Variants in GPR137 observed in about 807,000 individuals in gnomAD.
GPR137 encodes the protein integral membrane protein GPR137.
In GPR137, 20 loss-of-function variants were observed where a neutral mutation model predicts 38.9. That is an observed-to-expected ratio of 0.51 (90% CI 0.36 to 0.75). GPR137 has a LOEUF of 0.75. GPR137 is among the 30% of genes least tolerant of loss of function. The probability of loss-of-function intolerance (pLI) is 0.00; values close to 1 mark genes in which losing one functional copy is unlikely to be tolerated. For synonymous variants in GPR137, 226 were observed against 235.8 expected (o/e 0.96, Z 0.38); for missense variants, 456 against 526.4 (o/e 0.87, Z 1.31).
upstream of GPR137, chr11:64,284,226 G>T: frequency 1.9e-6 from 3 of 1,605,950 alleles, no homozygotes; most frequent in African/African-American, 4.0e-5. Context: ...CTGGTGACTG[G>T]CGTCCCACAG....
rs2034123957 is a variant in GPR137, at chr11:64,286,774, A to G, written c.250A>G (p.Thr84Ala). 1 of 1,609,246 alleles carries G rather than the reference A, an allele frequency of 6.2e-7. No individual in the cohort carries two copies. The highest frequency in any genetic ancestry group is 8.5e-7 in the Non-Finnish European group (1 of 1,177,518). ...CCTCTTCTCCTTCTACTTCCGAGATACTCCCCGCGCCAACCGCCTGGGGCC... is the reference window on the plus strand; with the variant it reads ...CCTCTTCTCCTTCTACTTCCGAGATGCTCCCCGCGCCAACCGCCTGGGGCC... ...TTLFSFYFRD[T>A]PRANRLGPLP... The change falls in exon 1 of 7, where the codon ACT becomes GCT. Residue 84 changes from threonine (T) to alanine (A), a missense_variant. By Grantham distance (58) the Thr-to-Ala change is moderately conservative. Transcript: ENST00000438980.
Position 64,288,185 on chromosome 11 carries a change from G to A in GPR137, c.754G>A (p.Asp252Asn), listed in dbSNP as rs1234857518. Residue 252 changes from aspartate to asparagine, a missense_variant, in exon 4 of 7, where the codon GAT becomes AAT. Asp to Asn is a conservative substitution (Grantham distance 23). Transcript: ENST00000438980. The surrounding 1 kb of genome is among the most constrained non-coding windows in gnomAD (Gnocchi z 5.5). ...LAPQSRLDTF[D>N]YDWYNVSDQA... Reference sequence around the variant, plus strand: ...CCCCCAGAGCCGGCTGGACACCTTCGATTACGACTGGTACAATGTGTCTGA... The same window carrying A: ...CCCCCAGAGCCGGCTGGACACCTTCAATTACGACTGGTACAATGTGTCTGA... 1.1e-5 allele frequency: 17 copies of A among 1,613,020 alleles called. No homozygotes were observed. Among genetic ancestry groups the A allele is most frequent in the Middle Eastern group, 1.6e-4 (1 of 6,084 alleles).
upstream of GPR137, among the ~76,000 whole-genome samples, chr11:64,274,200 A>ACCC (rs1488912486): frequency 2.4e-4 from 35 of 147,974 alleles, no homozygotes; most frequent in Non-Finnish European, 3.3e-4. Context: ...AGACCATCCT[A>ACCC]ACACGGTGAA....
At position 64,288,747 on chromosome 11, in the gene GPR137, A is replaced by C. The variant is rs1591215174; in HGVS notation, c.1031+26A>C. The C allele has an allele frequency of 6.6e-7, 1 of 1,509,530 alleles. No homozygotes were observed. Among genetic ancestry groups the C allele is most frequent in the South Asian group, 1.3e-5 (1 of 78,256 alleles). 93.5% of individuals were successfully genotyped at this position (1,509,530 alleles called of 1,614,324 possible). Reference sequence around the variant, plus strand: ...GTAGGAGCCGTGGCACTGCCTCAGTACCCCTGCCCTACCCGCCCACCCCGC... The same window carrying C: ...GTAGGAGCCGTGGCACTGCCTCAGTCCCCCTGCCCTACCCGCCCACCCCGC... On this transcript the variant is annotated intron_variant, in intron 6 of 6. Coordinates refer to ENST00000438980, the MANE Select transcript of GPR137 (RefSeq NM_001170880.2). The surrounding 1 kb of genome is among the most constrained non-coding windows in gnomAD (Gnocchi z 5.5).
At chr11:64,278,312 G>A (rs550499961) in intron 2 of GPR137, among the ~76,000 whole-genome samples, 109 of 151,174 alleles carry the variant, frequency 7.2e-4, no homozygotes, top group African/African-American at 2.6e-3. Flanking sequence ...GCTGCGAGGC[G>A]AGATTGCACC....
In GPR137 at chr11:64,289,166, C is replaced by T. The variant is rs1404201706; in HGVS notation, c.1161C>T (p.His387=). 8.7e-6 allele frequency: 14 copies of T among 1,613,578 alleles called. No homozygotes were observed. Among genetic ancestry groups the T allele is most frequent in the African/African-American group, 4.0e-5 (3 of 74,912 alleles). Residue 387 remains histidine, a synonymous_variant, in exon 7 of 7, where the codon CAC becomes CAT. Coordinates refer to ENST00000438980, the MANE Select transcript of GPR137 (RefSeq NM_001170880.2). The part of the protein sequence containing the change: ...FSQVPGPGGH[H]HSLYSTPQT Reference sequence around the variant, plus strand: ...AGGTGCCAGGACCAGGCGGCCACCACCACAGTCTCTACTCCACCCCACAGA... The same window carrying T: ...AGGTGCCAGGACCAGGCGGCCACCATCACAGTCTCTACTCCACCCCACAGA...
At chr11:64,275,102 C>T (rs918460272), upstream of GPR137, among the ~76,000 whole-genome samples, 2 of 151,148 alleles carry the variant, frequency 1.3e-5, no homozygotes, top group African/African-American at 4.9e-5. Flanking sequence ...CTGAGCATCA[C>T]CAAAGCCCAG....
Position 64,286,151 on chromosome 11 carries a change from C to T in GPR137, c.-374C>T. ...ACCCGACGGGTATCAGCCGGCTCTC[C>T]CCCTCCACCCAGGACGACATGAACG... On this transcript the variant is annotated 5_prime_UTR_variant, in exon 1 of 7. Coordinates refer to ENST00000438980, the MANE Select transcript of GPR137 (RefSeq NM_001170880.2). The T allele has an allele frequency of 2.9e-6, 3 of 1,033,484 alleles. No individual in the cohort carries two copies. The highest frequency in any genetic ancestry group is 3.5e-6 in the Non-Finnish European group (3 of 861,302). 64.0% of individuals were successfully genotyped at this position (1,033,484 alleles called of 1,614,324 possible). A position where few individuals can be genotyped will look rare whatever the true frequency, so the allele number is the denominator to read the frequency against.
In GPR137 at chr11:64,288,004, G is replaced by A. The variant is rs2034315578; in HGVS notation, c.633+58G>A. On this transcript the variant is annotated intron_variant, in intron 3 of 6. Transcript: ENST00000438980. This position sits in a 1 kb window ranked among gnomAD's most constrained non-coding sequence, Gnocchi z 5.5. ...TTGGGTCTCTCGGCAGCGGTTCTCA[G>A]GGTGTAGAGGAAGCTGGGAGCCTTC... The A allele has an allele frequency of 1.2e-6, 2 of 1,602,998 alleles. No homozygotes were observed. The highest frequency in any genetic ancestry group is 3.3e-5 in the Admixed American group (2 of 59,996).
upstream of GPR137, among the ~76,000 whole-genome samples, chr11:64,280,930 T>C (rs530972863): frequency 1.5e-4 from 22 of 150,026 alleles, no homozygotes; most frequent in East Asian, 2.0e-3. Context: ...AGCCTCCCGA[T>C]GTGCTGGGAT....
At chr11:64,284,804 C>T (rs1398831323), upstream of GPR137, 9 of 1,529,474 alleles carry the variant, frequency 5.9e-6, no homozygotes, top group African/African-American at 9.6e-5. Flanking sequence ...GGCCCCGCCC[C>T]CCCGCCGGAT....
chr11:64,271,638 C>T (rs959001896), upstream of GPR137: 3 of 1,502,956 alleles, frequency 2.0e-6, no homozygotes, highest in African/African-American at 1.4e-5. Context: ...AAACTCGTCA[C>T]TCATCCTCCG....
At position 64,286,296 on chromosome 11, in the gene GPR137, C is replaced by G; in HGVS notation, c.-229C>G. The G allele has an allele frequency of 7.2e-7, 1 of 1,395,722 alleles. No individual in the cohort carries two copies. The highest frequency in any genetic ancestry group is 1.7e-5 in the South Asian group (1 of 57,422). The allele number at this position is 1,395,722 out of a possible 1,614,324, so 86.5% of individuals were successfully genotyped here. A position where few individuals can be genotyped will look rare whatever the true frequency, so the allele number is the denominator to read the frequency against. On this transcript the variant is annotated 5_prime_UTR_variant, in exon 1 of 7. Transcript: ENST00000438980. ...GGTCTGTCCTGGAGAAAAGAGACTG[C>G]CCTTCCATGCCCCTGAGTGAGGGGC...
intron 2 of GPR137, chr11:64,277,092 G>A: frequency 1.5e-6 from 1 of 683,464 alleles, no homozygotes; most frequent in Non-Finnish European, 2.7e-6. Flanking sequence ...CAAGACACTT[G>A]CACACTGAAT....
At chr11:64,283,484 T>C (rs1366037546), upstream of GPR137, among the ~76,000 whole-genome samples, 1 of 152,240 alleles carries the variant, frequency 6.6e-6, no homozygotes, top group East Asian at 1.9e-4. Flanking sequence ...GAGCCTGTGC[T>C]TCTCACCCCA....
Position 64,289,000 on chromosome 11 carries a change from T to A in GPR137, c.1032-37T>A. On this transcript the variant is annotated intron_variant, in intron 6 of 6. Coordinates refer to ENST00000438980, the MANE Select transcript of GPR137 (RefSeq NM_001170880.2). This position sits in a 1 kb window ranked among gnomAD's most constrained non-coding sequence, Gnocchi z 5.5. ...GCAGCTCTTGTGACTGTGGCCCTGG[T>A]CACTGTCCTGAGACTGACCCTGTTT... 2 of 1,488,682 alleles carry A rather than the reference T, an allele frequency of 1.3e-6. No homozygotes were observed. Among genetic ancestry groups the A allele is most frequent in the South Asian group, 2.6e-5 (2 of 75,516 alleles). 92.2% of individuals were successfully genotyped at this position (1,488,682 alleles called of 1,614,324 possible).
chr11:64,270,762 TC>T (rs1464151032), upstream of GPR137: 2 of 449,300 alleles, frequency 4.5e-6, no homozygotes, highest in Non-Finnish European at 8.9e-6. Flanking sequence ...ACCACTGCAC[TC>T]CAGCCTGGGC....
At chr11:64,281,113 G>A (rs1029992736), upstream of GPR137, among the ~76,000 whole-genome samples, 1 of 152,032 alleles carries the variant, frequency 6.6e-6, no homozygotes, top group African/African-American at 2.4e-5. Context: ...GACTACAGGC[G>A]CCCACCACCA....
upstream of GPR137, among the ~76,000 whole-genome samples, chr11:64,273,855 C>CAA (rs34577596): frequency 0.59 from 32,363 of 54,798 alleles, 11,293 homozygotes; most frequent in Middle Eastern, 0.68. Flanking sequence ...GCACCCATCT[C>CAA]AAAAAAAAAA....
Sources: gnomAD v4.1 joint callset for allele counts (sites outside exome capture counted in the v4.1 genomes callset) on GRCh38, gnomAD v4.1.1 for gene constraint, Gnocchi (gnomAD v3.1) non-coding constraint, MANE v1.5 for transcripts, NCBI Gene and HGNC (gene_info 2026-07-23, HGNC 2026-07-21) for gene names.